The following POP4 variants were observed in gnomAD, a reference collection of about 807,000 sequenced individuals.
POP4 encodes the protein POP4 ribonuclease P/MRP subunit.
A neutral mutation model predicts 29.9 loss-of-function variants in POP4; 31 were observed. The ratio of observed to expected loss-of-function variants is 1.04; its 90% CI spans 0.78 to 1.40. The LOEUF (loss-of-function observed/expected upper bound fraction) is 1.40. POP4 is among the 40% of genes most tolerant of loss of function. The pLI, the probability that POP4 is intolerant of heterozygous loss-of-function variation, is 0.00. For missense variants in POP4, 286 were observed against 282.7 expected, an observed-to-expected ratio of 1.01 and a Z score of -0.08; for synonymous variants, 110 against 108.2, an observed-to-expected ratio of 1.02 and a Z score of -0.10.
chr19:29,608,628 T>C (rs373488008), intron 1 of POP4, 29 bp from the exon 2 acceptor site: 152 of 1,603,516 alleles, frequency 9.5e-5, no homozygotes, highest in Non-Finnish European at 1.2e-4. Flanking sequence ...CCAACAAGAA[T>C]TGATCATTTC....
At chr19:29,606,779 C>T (rs919584902) in intron 1 of POP4, among the ~76,000 whole-genome samples, 3 of 152,090 alleles carry the variant, frequency 2.0e-5, no homozygotes, top group Non-Finnish European at 4.4e-5. Flanking sequence ...GTGTAGACAC[C>T]GTTAAGACTG....
chr19:29,612,224 C>T (rs766127467), intron 5 of POP4, 46 bp downstream of exon 5: 6 of 1,534,408 alleles, frequency 3.9e-6, no homozygotes, highest in African/African-American at 2.8e-5. Context: ...CAGAGGTTCA[C>T]TCTGTCACTC....
chr19:29,610,781 C>A, intron 3 of POP4, 149 bp downstream of exon 3: 2 of 761,104 alleles, frequency 2.6e-6, no homozygotes, highest in Non-Finnish European at 4.2e-6. Context: ...CTTCCTTTAC[C>A]AATCTGGGCT....
rs1321360002 is a variant in POP4, at chr19:29,615,421, A to G, written c.*41A>G. ...AGGCAGTTGTTTATGACAGCTGAAA[A>G]CTGGACACTCCCTAAATGTCCACCT... is the stretch of plus-strand genomic sequence containing the variant. On this transcript the variant is annotated 3_prime_UTR_variant, in exon 7 of 7. Transcript: ENST00000585603. 1 of 1,598,116 alleles carries G rather than the reference A, an allele frequency of 6.3e-7. No individual in the cohort carries two copies. Among genetic ancestry groups the G allele is most frequent in the Admixed American group, 1.7e-5 (1 of 58,070 alleles).
chr19:29,611,358 T>G (rs540814173), intron 3 of POP4, among the ~76,000 whole-genome samples: 7 of 152,320 alleles, frequency 4.6e-5, no homozygotes, highest in Middle Eastern at 3.4e-3. Flanking sequence ...GGCTTTGTGG[T>G]AACGGATTCC....
intron 6 of POP4, among the ~76,000 whole-genome samples, chr19:29,614,458 A>T (rs1237584267): frequency 1.3e-5 from 2 of 152,102 alleles, no homozygotes; most frequent in Non-Finnish European, 2.9e-5. Context: ...CCTTACCCAC[A>T]AATCCAGAGA....
chr19:29,613,958 A>G lies in POP4; in HGVS notation c.512A>G (p.Glu171Gly). 1 of 1,613,752 alleles carries G rather than the reference A, an allele frequency of 6.2e-7. No individual in the cohort carries two copies. Among genetic ancestry groups the G allele is most frequent in the Non-Finnish European group, 8.5e-7 (1 of 1,179,866 alleles). The stretch of plus-strand genomic sequence containing the variant: ...CACATTTTCAAAATTATCACCAAAG[A>G]AGACCGCCTGAAAGGTATGTAGGTG... ...TKHIFKIITK[E>G]DRLKVIPKLN... The change falls in exon 6 of 7, where the codon GAA becomes GGA. Residue 171 changes from glutamate to glycine, a missense_variant. Glu to Gly is a moderately conservative substitution (Grantham distance 98). Transcript: ENST00000585603.
In POP4 at chr19:29,615,237, T is replaced by TTTC; in HGVS notation, c.527-5_527-4insCTT. ...TTTTCTCCTGCCTTTTTTTTTTTTT[T>TTTC]TTTCAGTTATCCCCAAGCTAAACTG... is the stretch of plus-strand genomic sequence containing the variant. On this transcript the variant is annotated splice_polypyrimidine_tract_variant and splice_region_variant and intron_variant, in intron 6 of 6. Transcript: ENST00000585603. The TTTC allele has an allele frequency of 6.5e-7, 1 of 1,529,388 alleles. No homozygotes were observed. The highest frequency in any genetic ancestry group is 1.3e-5 in the South Asian group (1 of 78,112). 94.7% of individuals were successfully genotyped at this position (1,529,388 alleles called of 1,614,324 possible). A position where few individuals can be genotyped will look rare whatever the true frequency, so the allele number is the denominator to read the frequency against.
intron 1 of POP4, among the ~76,000 whole-genome samples, chr19:29,607,848 A>C (rs910582031): frequency 1.3e-5 from 2 of 152,244 alleles, no homozygotes; most frequent in Admixed American, 6.5e-5. Flanking sequence ...AACAAAACCT[A>C]TTTCTAACCA....
rs201177789 is a variant in POP4, at chr19:29,610,587, A to C, written c.239A>C (p.Gln80Pro). The C allele has an allele frequency of 2.4e-4, 389 of 1,614,168 alleles. 1 individual carries two copies. Among genetic ancestry groups the C allele is most frequent in the Admixed American group, 7.3e-4 (44 of 60,032 alleles). ...KKKAKGLSAR[Q>P]RRELRLFDIK... ...AAAGCCAAAGGCCTCTCTGCCAGGC[A>C]AAGGAGGGAGCTGCGGCTCTTTGAC... The change falls in exon 3 of 7, where the codon CAA (glutamine) becomes CCA (proline). Residue 80 changes from glutamine (Q) to proline (P), a missense_variant. Transcript: ENST00000585603.
At chr19:29,615,197 T>G in intron 6 of POP4, 47 bp from the exon 7 acceptor site, 1 of 1,489,628 alleles carries the variant, frequency 6.7e-7, no homozygotes, top group Non-Finnish European at 8.9e-7. Context: ...TTAATAAATA[T>G]TTTTCCTCAT....
chr19:29,612,422 C>T (rs903934684), intron 5 of POP4, among the ~76,000 whole-genome samples: 9 of 152,114 alleles, frequency 5.9e-5, no homozygotes, highest in Non-Finnish European at 1.3e-4. Flanking sequence ...ACACAGGGAC[C>T]CCTGTTGGTA....
intron 5 of POP4, 110 bp downstream of exon 5, chr19:29,612,288 C>T: frequency 9.5e-7 from 1 of 1,049,854 alleles, no homozygotes; most frequent in Non-Finnish European, 1.4e-6. Context: ...CGTGTGGATT[C>T]CCTGAGATGG....
At chr19:29,607,471 A>C (rs199868004) in intron 1 of POP4, among the ~76,000 whole-genome samples, 16,243 of 152,030 alleles carry the variant, frequency 0.11, 1,368 homozygotes, top group African/African-American at 0.23. Flanking sequence ...AAACAACAAA[A>C]AAAAAAAACT....
rs1971070660 is a variant in POP4, at chr19:29,611,652, T to C, written c.285-210T>C. 7 of 567,750 alleles carry C rather than the reference T, an allele frequency of 1.2e-5. 1 individual carries two copies. The South Asian group carries it at 1.5e-4, about 12-fold the overall frequency. 35.2% of individuals were successfully genotyped at this position (567,750 alleles called of 1,614,324 possible). A position where few individuals can be genotyped will look rare whatever the true frequency, so the allele number is the denominator to read the frequency against. On this transcript the variant is annotated intron_variant, in intron 3 of 6. Coordinates refer to ENST00000585603, the MANE Select transcript of POP4 (RefSeq NM_006627.3). The stretch of plus-strand genomic sequence containing the variant: ...CCAGGTGGACACCGCCCTGGGCTGG[T>C]GTGGTCCTACCAATGAGGAAACTGA...
chr19:29,606,607 G>T, intron 1 of POP4: 1 of 371,656 alleles, frequency 2.7e-6, no homozygotes, highest in Non-Finnish European at 4.8e-6. Flanking sequence ...GGCTCAACTT[G>T]GCCACTATCT....
At chr19:29,614,322 T>C (rs771922157) in intron 6 of POP4, among the ~76,000 whole-genome samples, 2 of 152,114 alleles carry the variant, frequency 1.3e-5, no homozygotes, top group Non-Finnish European at 2.9e-5. Context: ...GGCAGCAGGG[T>C]AGAAACAGGA....
At chr19:29,612,063 T>A in intron 4 of POP4, 54 bp from the exon 5 acceptor site, 2 of 1,590,702 alleles carry the variant, frequency 1.3e-6, no homozygotes, top group South Asian at 2.3e-5. Flanking sequence ...CCTAGTTGCT[T>A]CTTTTGGAAC....
intron 3 of POP4, 71 bp downstream of exon 3, chr19:29,610,703 G>A: frequency 4.1e-6 from 6 of 1,476,454 alleles, no homozygotes; most frequent in Non-Finnish European, 5.5e-6. Context: ...TGGCTGAGTG[G>A]CTGGGGAGGC....
Sources: allele counts gnomAD v4.1 joint callset (sites outside exome capture counted in the v4.1 genomes callset), GRCh38; gene constraint gnomAD v4.1.1; transcripts MANE v1.5; gene names NCBI Gene and HGNC (gene_info 2026-07-23, HGNC 2026-07-21).